The following ADH7 variants were observed in gnomAD, a reference collection of about 807,000 sequenced individuals.
ADH7 encodes alcohol dehydrogenase 7 (class IV), mu or sigma polypeptide.
Under a neutral mutation model 34.4 loss-of-function variants are expected in ADH7, and 41 were observed. The observed-to-expected ratio is 1.19, with a 90% CI of 0.93 to 1.55. The LOEUF (loss-of-function observed/expected upper bound fraction) is 1.55. Among genes scored for constraint, ADH7 ranks in the 40% most tolerant of loss-of-function variants. ADH7 has a pLI of 0.00. For synonymous variants in ADH7, 180 were observed against 160.9 expected, an observed-to-expected ratio of 1.12 and a Z score of -0.90; for missense variants, 540 against 461.2, an observed-to-expected ratio of 1.17 and a Z score of -1.56.
At chr4:99,422,956 C>A (rs1226111817) in intron 5 of ADH7, among the ~76,000 whole-genome samples, 10 of 145,622 alleles carry the variant, frequency 6.9e-5, no homozygotes, top group Non-Finnish European at 1.2e-4. Context: ...ATACATGTGC[C>A]ATGCTGGTGT....
intron 7 of ADH7, among the ~76,000 whole-genome samples, chr4:99,418,176 T>C (rs1293231261): frequency 1.3e-5 from 2 of 152,224 alleles, no homozygotes; most frequent in African/African-American, 4.8e-5. Flanking sequence ...ACTCCTCTTA[T>C]AATTTGTTTT....
At chr4:99,427,344 C>CT (rs1721832807) in intron 5 of ADH7, among the ~76,000 whole-genome samples, 1 of 152,050 alleles carries the variant, frequency 6.6e-6, no homozygotes, top group Non-Finnish European at 1.5e-5. Flanking sequence ...CAAAATTGTA[C>CT]TTTTTTCTGA....
chr4:99,428,651 A>C, intron 2 of ADH7, 21 bp from the exon 3 acceptor site: 2 of 1,605,312 alleles, frequency 1.2e-6, no homozygotes, highest in Non-Finnish European at 1.7e-6. Context: ...AGACAAAAAC[A>C]TTGCACCAAT....
intron 1 of ADH7, chr4:99,434,971 T>G (rs1212637771): frequency 7.3e-7 from 1 of 1,368,160 alleles, no homozygotes; most frequent in African/African-American, 1.4e-5. Context: ...TATAAATCAA[T>G]TTCTCTATTT....
chr4:99,434,472 T>A (rs1162506838), intron 1 of ADH7, among the ~76,000 whole-genome samples: 1 of 152,070 alleles, frequency 6.6e-6, no homozygotes, highest in East Asian at 1.9e-4. Context: ...GCAAGCTAAA[T>A]GCAAAATTGT....
chr4:99,416,236 G>C (rs1300728206), intron 7 of ADH7, among the ~76,000 whole-genome samples: 1 of 152,114 alleles, frequency 6.6e-6, no homozygotes, highest in Admixed American at 6.5e-5. Context: ...TTCTATTGCA[G>C]AGAAACTTCT....
intron 1 of ADH7, chr4:99,430,165 A>G (rs1353041750): frequency 6.6e-6 from 1 of 152,516 alleles, no homozygotes; most frequent in Non-Finnish European, 1.5e-5. Flanking sequence ...AACCATGAAC[A>G]TCATGAAGCA....
intron 1 of ADH7, among the ~76,000 whole-genome samples, chr4:99,434,404 C>T (rs1722002428): frequency 6.6e-6 from 1 of 152,064 alleles, no homozygotes; most frequent in Non-Finnish European, 1.5e-5. Context: ...CATAGAGTCT[C>T]CTGACTTGTC....
At position 99,427,896 on chromosome 4, in the gene ADH7, G is replaced by A. The variant is rs771243828; in HGVS notation, c.441C>T (p.Thr147=). ...AAGATTCATCCACCACTGTGTACTC[G>A]GTAAATGTACTGGTGTTCATGAAGT... ...VHHFMNTSTF[T]EYTVVDESSV... is the part of the protein sequence containing the mutation. Residue 147 remains threonine (T), a synonymous_variant, in exon 5 of 9, where the codon ACC becomes ACT. Coordinates refer to ENST00000437033, the MANE Select transcript of ADH7 (RefSeq NM_000673.7). 7 of 1,613,872 alleles carry A rather than the reference G, an allele frequency of 4.3e-6. No individual in the cohort carries two copies. Among genetic ancestry groups the A allele is most frequent in the East Asian group, 2.2e-5 (1 of 44,878 alleles).
At chr4:99,432,812 C>T (rs990395778) in intron 1 of ADH7, 1 of 152,024 alleles carries the variant, frequency 6.6e-6, no homozygotes, top group Non-Finnish European at 1.5e-5. Flanking sequence ...AAATGAGATA[C>T]AATTCTGTGC....
chr4:99,422,580 G>C (rs1317548695), intron 5 of ADH7, among the ~76,000 whole-genome samples: 1 of 152,038 alleles, frequency 6.6e-6, no homozygotes, highest in African/African-American at 2.4e-5. Flanking sequence ...ACGTATACCT[G>C]TGTAACAAAC....
chr4:99,428,089 G>A lies in ADH7; in HGVS notation c.345C>T (p.Ser115=), dbSNP rs141541308. Residue 115 remains serine, a splice_region_variant and synonymous_variant, in exon 4 of 9, where the codon AGC becomes AGT. Transcript: ENST00000437033. ...AAGTAAAAATGACTGAAACCTACTC[G>A]CTCCTAATGCAAAGGTTGCCATCTG... is the stretch of plus-strand genomic sequence containing the variant. ...RNPDGNLCIR[S]DITGRGVLAD... is the part of the protein sequence containing the mutation. The A allele has an allele frequency of 6.2e-6, 10 of 1,613,598 alleles. No homozygotes were observed. The highest frequency in any genetic ancestry group is 2.2e-5 in the East Asian group (1 of 44,890).
In ADH7 at chr4:99,414,935, G is replaced by A. The variant is rs1006564564; in HGVS notation, c.1100+543C>T. On this transcript the variant is annotated intron_variant, in intron 8 of 8. Coordinates refer to ENST00000437033, the MANE Select transcript of ADH7 (RefSeq NM_000673.7). ...AAAAAATTGATTAATATAGTACAAT[G>A]GCATACTAAGTTGGTGATATGGTTA... is the stretch of plus-strand genomic sequence containing the variant. Among the ~76,000 whole-genome samples the A allele has an allele frequency of 3.3e-5, 5 of 152,112 alleles. No homozygotes were observed. The East Asian group carries it at 5.8e-4, about 18-fold the overall frequency.
At position 99,413,155 on chromosome 4, in the gene ADH7, G is replaced by GT; in HGVS notation, c.1117dup (p.Thr373AsnfsTer22). On this transcript the variant is annotated frameshift_variant, in exon 9 of 9. Coordinates refer to ENST00000437033, the MANE Select transcript of ADH7 (RefSeq NM_000673.7). LOFTEE classifies it high-confidence loss of function. ...CTCCTGCCACTTTGGATCTCAAAACGTCAGGACCGTTCGAATGCTGAAATG... is the reference window on the plus strand; with the variant it reads ...CTCCTGCCACTTTGGATCTCAAAACGTTCAGGACCGTTCGAATGCTGAAATG... 1 of 1,613,530 alleles carries GT rather than the reference G, an allele frequency of 6.2e-7. No homozygotes were observed. The highest frequency in any genetic ancestry group is 8.5e-7 in the Non-Finnish European group (1 of 1,179,612).
intron 8 of ADH7, chr4:99,415,218 C>T (rs2851297): frequency 0.35 from 126,831 of 365,930 alleles, 24,798 homozygotes; most frequent in East Asian, 0.66. Flanking sequence ...TATAAGTTTC[C>T]TGAAGCCCCC....
chr4:99,430,484 C>T (rs1403657289), intron 1 of ADH7, among the ~76,000 whole-genome samples: 1 of 152,194 alleles, frequency 6.6e-6, no homozygotes, highest in Non-Finnish European at 1.5e-5. Flanking sequence ...CTGTCTAGGA[C>T]TCCTATAAAA....
chr4:99,421,347 C>A (rs181757835), intron 5 of ADH7, among the ~76,000 whole-genome samples: 2,229 of 152,252 alleles, frequency 0.015, 32 homozygotes, highest in Non-Finnish European at 0.024. Context: ...AATAACACCA[C>A]ACATCTACAA....
At chr4:99,421,967 A>C (rs1397722397) in intron 5 of ADH7, among the ~76,000 whole-genome samples, 1 of 152,264 alleles carries the variant, frequency 6.6e-6, no homozygotes, top group Non-Finnish European at 1.5e-5. Context: ...ATCTCATGCC[A>C]GTCAGAATGG....
At position 99,428,640 on chromosome 4, in the gene ADH7, A is replaced by C; in HGVS notation, c.121-10T>G. The C allele has an allele frequency of 6.2e-7, 1 of 1,610,120 alleles. No homozygotes were observed. The highest frequency in any genetic ancestry group is 8.5e-7 in the Non-Finnish European group (1 of 1,178,676). On this transcript the variant is annotated splice_polypyrimidine_tract_variant and intron_variant, in intron 2 of 8. Transcript: ENST00000437033. Reference sequence around the variant, plus strand: ...TTCCTGTGGCCAAAATCTGTGTTCAAAGACAAAAACATTGCACCAATCAAC... The same window carrying C: ...TTCCTGTGGCCAAAATCTGTGTTCACAGACAAAAACATTGCACCAATCAAC...
Sources: allele counts gnomAD v4.1 joint callset (sites outside exome capture counted in the v4.1 genomes callset), GRCh38; gene constraint gnomAD v4.1.1; transcripts MANE v1.5; gene names NCBI Gene and HGNC (gene_info 2026-07-23, HGNC 2026-07-21).